IMMP2L: variants seen among roughly 807,000 people sequenced by gnomAD.
IMMP2L encodes the protein mitochondrial inner membrane protease subunit 2.
IMMP2L carries 18 observed loss-of-function variants against 19.3 expected under a neutral mutation model. The observed-to-expected ratio is 0.93, with a 90% CI of 0.64 to 1.38. The LOEUF (loss-of-function observed/expected upper bound fraction) is 1.38, where lower values mean the gene tolerates loss of function less well. IMMP2L is among the 40% of genes most tolerant of loss of function. IMMP2L has a pLI of 0.00. For missense variants in IMMP2L, 233 were observed against 218.2 expected, an observed-to-expected ratio of 1.07 and a Z score of -0.43; for synonymous variants, 76 against 73.0, an observed-to-expected ratio of 1.04 and a Z score of -0.21.
chr7:111,495,499 T>C (rs542695469), intron 2 of IMMP2L, among the ~76,000 whole-genome samples: 36 of 152,298 alleles, frequency 2.4e-4, no homozygotes, highest in African/African-American at 8.4e-4. Context: ...AAGACTATGC[T>C]GAAGGATTTT....
intron 5 of IMMP2L, among the ~76,000 whole-genome samples, chr7:110,872,191 G>A (rs1225939931): frequency 3.3e-5 from 5 of 151,930 alleles, no homozygotes; most frequent in East Asian, 1.9e-4. Flanking sequence ...AGAATATATC[G>A]GATATCTAGC....
intron 3 of IMMP2L, among the ~76,000 whole-genome samples, chr7:110,993,049 T>C (rs902532206): frequency 1.8e-4 from 27 of 152,160 alleles, no homozygotes; most frequent in African/African-American, 6.5e-4. Context: ...ACAAAATGTA[T>C]ATTGCACTTA....
intron 3 of IMMP2L, among the ~76,000 whole-genome samples, chr7:111,357,368 A>G (rs895038272): frequency 2.0e-5 from 3 of 152,148 alleles, no homozygotes; most frequent in Non-Finnish European, 1.5e-5. Flanking sequence ...ACCACACAGC[A>G]TGAGGTATAC....
In IMMP2L at chr7:111,391,666, G is replaced by T. The variant is rs555817229; in HGVS notation, c.239+95572C>A. Among the ~76,000 whole-genome samples, 9 of 152,170 alleles carry T rather than the reference G, an allele frequency of 5.9e-5. No individual in the cohort carries two copies. The South Asian group carries it at 1.9e-3, about 32-fold the overall frequency. ...ACCCAACGTGAAAATTATAGGTAAT[G>T]CACTGCCTTCGTTTTATACAGAATG... On this transcript the variant is annotated intron_variant, in intron 3 of 5. Coordinates refer to ENST00000405709, the MANE Select transcript of IMMP2L (RefSeq NM_032549.4).
intron 3 of IMMP2L, among the ~76,000 whole-genome samples, chr7:111,060,517 C>T (rs1284582015): frequency 6.6e-6 from 1 of 152,148 alleles, no homozygotes; most frequent in Non-Finnish European, 1.5e-5. Flanking sequence ...CATAGCGGGG[C>T]TCAGAACCAG....
chr7:110,829,633 G>A (rs1803790042), intron 5 of IMMP2L, among the ~76,000 whole-genome samples: 1 of 152,114 alleles, frequency 6.6e-6, no homozygotes, highest in South Asian at 2.1e-4. Context: ...CCAAGCATCT[G>A]TGAATAATTC....
chr7:111,236,008 T>C (rs1278979547), intron 3 of IMMP2L, among the ~76,000 whole-genome samples: 1 of 152,138 alleles, frequency 6.6e-6, no homozygotes, highest in Non-Finnish European at 1.5e-5. Flanking sequence ...GTAACATTCA[T>C]CTCTAGAATA....
chr7:111,061,999 C>T (rs970910649), intron 3 of IMMP2L, among the ~76,000 whole-genome samples: 7 of 152,192 alleles, frequency 4.6e-5, no homozygotes, highest in African/African-American at 1.7e-4. Flanking sequence ...CTCCTTTCCA[C>T]CTTTAGCATC....
At chr7:111,538,814 T>C (rs79325432) in intron 1 of IMMP2L, among the ~76,000 whole-genome samples, 78 of 113,916 alleles carry the variant, frequency 6.8e-4, no homozygotes, top group African/African-American at 3.0e-3. Flanking sequence ...CCCTGGCTCA[T>C]TTAAAAAAAA....
At chr7:111,217,126 T>TCTCACACA (rs1472700586) in intron 3 of IMMP2L, among the ~76,000 whole-genome samples, 9 of 124,068 alleles carry the variant, frequency 7.3e-5, no homozygotes, top group African/African-American at 2.5e-4. Context: ...TCTCTCTCTC[T>TCTCACACA]CACACACACA....
At chr7:110,789,674 T>C (rs189741714) in intron 5 of IMMP2L, among the ~76,000 whole-genome samples, 2 of 151,840 alleles carry the variant, frequency 1.3e-5, no homozygotes, top group African/African-American at 4.9e-5. Flanking sequence ...CTTAATGGCC[T>C]AGAAGGCCCT....
chr7:111,031,118 T>C (rs1790766217), intron 3 of IMMP2L, among the ~76,000 whole-genome samples: 1 of 151,790 alleles, frequency 6.6e-6, no homozygotes, highest in African/African-American at 2.4e-5. Context: ...TAATTACATA[T>C]AGTAATGTTT....
intron 5 of IMMP2L, among the ~76,000 whole-genome samples, chr7:110,824,969 G>A (rs1010319512): frequency 2.0e-5 from 3 of 152,074 alleles, no homozygotes; most frequent in Admixed American, 2.0e-4. Flanking sequence ...ATCTCCTTAA[G>A]CTGATAAGCA....
chr7:111,384,724 A>G (rs1023960032), intron 3 of IMMP2L, among the ~76,000 whole-genome samples: 1 of 152,184 alleles, frequency 6.6e-6, no homozygotes, highest in Non-Finnish European at 1.5e-5. Context: ...GTCACGTAGC[A>G]GTAAACAGAA....
intron 3 of IMMP2L, among the ~76,000 whole-genome samples, chr7:111,085,570 G>A (rs980790501): frequency 1.3e-5 from 2 of 152,094 alleles, no homozygotes; most frequent in Non-Finnish European, 2.9e-5. Flanking sequence ...TTCCATTTCT[G>A]TAATGACCAG....
At chr7:110,718,646 C>G (rs1795376681) in intron 5 of IMMP2L, among the ~76,000 whole-genome samples, 1 of 152,082 alleles carries the variant, frequency 6.6e-6, no homozygotes, top group African/African-American at 2.4e-5. Context: ...GTGGAGATAA[C>G]TGAAGCGCTT....
intron 2 of IMMP2L, among the ~76,000 whole-genome samples, chr7:111,502,806 G>C (rs1168066953): frequency 6.6e-6 from 1 of 151,130 alleles, no homozygotes; most frequent in Non-Finnish European, 1.5e-5. Context: ...GAATCTCTGG[G>C]ACACATTCAA....
At chr7:111,334,326 T>C (rs1261204258) in intron 3 of IMMP2L, among the ~76,000 whole-genome samples, 2 of 152,066 alleles carry the variant, frequency 1.3e-5, no homozygotes, top group Admixed American at 1.3e-4. Flanking sequence ...TTTGCCTTTC[T>C]GTGCTTGGCT....
intron 3 of IMMP2L, among the ~76,000 whole-genome samples, chr7:111,025,427 C>T (rs1429410259): frequency 6.6e-6 from 1 of 152,154 alleles, no homozygotes; most frequent in Non-Finnish European, 1.5e-5. Context: ...ATATCCAAAA[C>T]TATGATCCTG....
Sources: allele counts gnomAD v4.1 joint callset (sites outside exome capture counted in the v4.1 genomes callset), GRCh38; gene constraint gnomAD v4.1.1; transcripts MANE v1.5; gene names NCBI Gene and HGNC (gene_info 2026-07-23, HGNC 2026-07-21).